CPNE8: variants seen among roughly 807,000 people sequenced by gnomAD.
CPNE8 encodes copine 8, also known as copine-8.
A neutral mutation model predicts 81.5 loss-of-function variants in CPNE8; 45 were observed. The ratio of observed to expected loss-of-function variants is 0.55; its 90% CI spans 0.44 to 0.71. CPNE8 has a LOEUF of 0.71. Among genes scored for constraint, CPNE8 ranks in the 30% least tolerant of loss-of-function variants. The pLI is 0.00. For synonymous variants in CPNE8, 252 were observed against 226.3 expected, an observed-to-expected ratio of 1.11 and a Z score of -1.02; for missense variants, 594 against 672.1, an observed-to-expected ratio of 0.88 and a Z score of 1.28.
At chr12:38,904,367 T>C (rs1053106280) in intron 1 of CPNE8, among the ~76,000 whole-genome samples, 2 of 152,092 alleles carry the variant, frequency 1.3e-5, no homozygotes, top group African/African-American at 2.4e-5. Flanking sequence ...ATCTATGATA[T>C]AGCGGTGATG....
chr12:38,827,343 A>T (rs994493220), intron 6 of CPNE8, among the ~76,000 whole-genome samples: 1 of 152,210 alleles, frequency 6.6e-6, no homozygotes, highest in Non-Finnish European at 1.5e-5. Flanking sequence ...GAGGCTGCAG[A>T]GAAAAGGGAA....
intron 15 of CPNE8, among the ~76,000 whole-genome samples, chr12:38,690,070 G>A (rs990074323): frequency 2.0e-5 from 3 of 152,128 alleles, no homozygotes; most frequent in Admixed American, 1.3e-4. Flanking sequence ...CTTATACACT[G>A]GGGGTAATTT....
chr12:38,847,346 G>T (rs1341276396), intron 4 of CPNE8, among the ~76,000 whole-genome samples: 1 of 152,054 alleles, frequency 6.6e-6, no homozygotes, highest in Non-Finnish European at 1.5e-5. Flanking sequence ...TGGTGTAAAA[G>T]AAAATTCTTA....
intron 10 of CPNE8, among the ~76,000 whole-genome samples, chr12:38,737,817 T>C (rs1201158102): frequency 4.0e-5 from 4 of 99,676 alleles, no homozygotes; most frequent in Non-Finnish European, 8.3e-5. Flanking sequence ...GAGTAACACA[T>C]ACTCATTCTC....
At chr12:38,837,658 T>C (rs975976828) in intron 5 of CPNE8, among the ~76,000 whole-genome samples, 1 of 151,928 alleles carries the variant, frequency 6.6e-6, no homozygotes, top group Non-Finnish European at 1.5e-5. Context: ...GAGGTTTCTG[T>C]GGAAGTTAGA....
intron 10 of CPNE8, among the ~76,000 whole-genome samples, chr12:38,759,959 C>G (rs950156310): frequency 2.6e-5 from 4 of 152,176 alleles, no homozygotes; most frequent in Admixed American, 2.6e-4. Flanking sequence ...TATCCAGGCA[C>G]TTTCATCCCT....
intron 11 of CPNE8, chr12:38,726,216 G>A (rs1210211936): frequency 3.3e-5 from 5 of 150,624 alleles, no homozygotes; most frequent in Admixed American, 6.6e-5. Flanking sequence ...AATTTTCTAT[G>A]CAAGAAGTAA....
At chr12:38,780,272 G>A (rs1199575624) in intron 6 of CPNE8, among the ~76,000 whole-genome samples, 1 of 152,020 alleles carries the variant, frequency 6.6e-6, no homozygotes, top group Admixed American at 6.6e-5. Flanking sequence ...ACTGAAAGAA[G>A]GATATAAATA....
intron 6 of CPNE8, among the ~76,000 whole-genome samples, chr12:38,816,842 T>A (rs1431500902): frequency 6.6e-6 from 1 of 152,156 alleles, no homozygotes; most frequent in Admixed American, 6.5e-5. Context: ...TCTCCACAAT[T>A]ACTGGGAGGG....
intron 6 of CPNE8, among the ~76,000 whole-genome samples, chr12:38,812,532 C>G (rs976847466): frequency 6.6e-6 from 1 of 152,176 alleles, no homozygotes; most frequent in African/African-American, 2.4e-5. Flanking sequence ...ATCATGAGAA[C>G]AGCAGCATGA....
intron 3 of CPNE8, among the ~76,000 whole-genome samples, chr12:38,861,111 T>C (rs958729210): frequency 2.0e-5 from 3 of 152,184 alleles, no homozygotes; most frequent in Non-Finnish European, 4.4e-5. Context: ...GAGGACATTA[T>C]ATTAACTGAA....
intron 10 of CPNE8, among the ~76,000 whole-genome samples, chr12:38,753,515 C>T (rs760195828): frequency 2.6e-5 from 4 of 152,172 alleles, no homozygotes; most frequent in African/African-American, 9.7e-5. Flanking sequence ...TAAGTCCTCT[C>T]TTCTGTATTA....
chr12:38,805,939 G>A (rs1411673501), intron 6 of CPNE8, among the ~76,000 whole-genome samples: 1 of 149,986 alleles, frequency 6.7e-6, no homozygotes, highest in African/African-American at 2.4e-5. Context: ...CGATCCCACA[G>A]AAATACAAAC....
intron 8 of CPNE8, among the ~76,000 whole-genome samples, chr12:38,764,764 G>A (rs1419822644): frequency 6.6e-6 from 1 of 152,000 alleles, no homozygotes; most frequent in African/African-American, 2.4e-5. Flanking sequence ...TCTGCAAAGG[G>A]AATTTCTTCT....
intron 7 of CPNE8, among the ~76,000 whole-genome samples, chr12:38,770,175 G>T (rs983097233): frequency 1.3e-5 from 2 of 152,042 alleles, no homozygotes; most frequent in Non-Finnish European, 2.9e-5. Context: ...TGTTTCACAG[G>T]CACTTCTAAC....
At chr12:38,809,551 G>C (rs1239741411) in intron 6 of CPNE8, among the ~76,000 whole-genome samples, 1 of 152,122 alleles carries the variant, frequency 6.6e-6, no homozygotes, top group Non-Finnish European at 1.5e-5. Context: ...CATAACTATA[G>C]TTGTGACATC....
At chr12:38,761,729 G>A (rs1481960601) in intron 9 of CPNE8, among the ~76,000 whole-genome samples, 1 of 152,134 alleles carries the variant, frequency 6.6e-6, no homozygotes, top group Non-Finnish European at 1.5e-5. Context: ...AGCTAATTGT[G>A]AAACATTAAA....
intron 11 of CPNE8, among the ~76,000 whole-genome samples, chr12:38,728,233 G>T (rs774449468): frequency 6.6e-6 from 1 of 152,108 alleles, no homozygotes; most frequent in Non-Finnish European, 1.5e-5. Flanking sequence ...GAAAGAAGTC[G>T]ACAGAAATTG....
intron 1 of CPNE8, among the ~76,000 whole-genome samples, chr12:38,900,331 T>C (rs891139994): frequency 6.6e-6 from 1 of 152,176 alleles, no homozygotes; most frequent in African/African-American, 2.4e-5. Flanking sequence ...TTTGATTCAA[T>C]AGATCTGCTA....
Sources: gnomAD v4.1 joint callset for allele counts (sites outside exome capture counted in the v4.1 genomes callset) on GRCh38, gnomAD v4.1.1 for gene constraint, MANE v1.5 for transcripts, NCBI Gene and HGNC (gene_info 2026-07-23, HGNC 2026-07-21) for gene names.